MROH2A: variants seen among roughly 807,000 people sequenced by gnomAD.
The protein encoded by MROH2A is maestro heat-like repeat-containing protein family member 2A.
In MROH2A, 174 loss-of-function variants were observed where a neutral mutation model predicts 200.4. The ratio of observed to expected loss-of-function variants is 0.87; its 90% confidence interval spans 0.77 to 0.98. MROH2A has a LOEUF of 0.98. MROH2A is among the 50% of genes least tolerant of loss of function. The pLI is 0.00. For synonymous variants in MROH2A, 829 were observed against 840.4 expected (o/e 0.99, Z 0.23); for missense variants, 2,045 against 2,139.6 (o/e 0.96, Z 0.87).
intron 25 of MROH2A, 113 bp downstream of exon 25, chr2:233,813,891 C>T (rs138208097): frequency 3.5e-4 from 200 of 568,826 alleles, no homozygotes; most frequent in African/African-American, 2.5e-3. Context: ...TTAGAGGCAG[C>T]GGAGTGTAGC....
At chr2:233,831,074 A>G (rs987358167) in intron 38 of MROH2A, among the ~76,000 whole-genome samples, 2 of 152,092 alleles carry the variant, frequency 1.3e-5, no homozygotes, top group African/African-American at 4.8e-5. Context: ...AGGTGAGGAC[A>G]CGTGCCCAGT....
intron 27 of MROH2A, among the ~76,000 whole-genome samples, chr2:233,817,226 G>C (rs547520498): frequency 6.6e-6 from 1 of 152,312 alleles, no homozygotes; most frequent in Admixed American, 6.5e-5. Context: ...ATTTTGCAAA[G>C]CTTGACAAGT....
intron 26 of MROH2A, among the ~76,000 whole-genome samples, chr2:233,815,705 G>A (rs562767031): frequency 2.0e-5 from 3 of 152,246 alleles, no homozygotes; most frequent in East Asian, 3.8e-4. Flanking sequence ...GGCTATGTAC[G>A]TGTGGGTGTA....
Position 233,820,006 on chromosome 2 carries a change from CCAG to C in MROH2A, c.3463_3465del (p.Gln1155del). On this transcript the variant is annotated inframe_deletion, in exon 31 of 42. Transcript: ENST00000389758. This position sits in a 1 kb window ranked among gnomAD's most constrained non-coding sequence, Gnocchi z 4.1. ...GCATCCTGCTGCTGGCGCACCACCACCAGGAGACCATCCTCACATCGCTCCTGA... is the reference window on the plus strand; with the variant it reads ...GCATCCTGCTGCTGGCGCACCACCACGAGACCATCCTCACATCGCTCCTGA... The C allele has an allele frequency of 6.5e-7, 1 of 1,545,806 alleles. No individual in the cohort carries two copies. The highest frequency in any genetic ancestry group is 1.2e-5 in the South Asian group (1 of 83,752).
intron 28 of MROH2A, 26 bp downstream of exon 28, chr2:233,818,151 C>T (rs1224854697): frequency 6.5e-7 from 1 of 1,548,684 alleles, no homozygotes; most frequent in Non-Finnish European, 8.7e-7. Context: ...ACATGAGGAC[C>T]AGCTCCTCTG....
In MROH2A at chr2:233,817,999, C is replaced by A. The variant is rs1344309410; in HGVS notation, c.2962-3C>A. 6.4e-7 allele frequency: 1 copy of A among 1,550,892 alleles called. No homozygotes were observed. ...GTGAGCCCCACGGTCTCCTGTCCCT[C>A]AGATCCACCTAAAGCTGGGGCAGTT... On this transcript the variant is annotated splice_region_variant and splice_polypyrimidine_tract_variant and intron_variant, in intron 27 of 41. Coordinates refer to ENST00000389758, the MANE Select transcript of MROH2A (RefSeq NM_001394639.1).
upstream of MROH2A, chr2:233,775,730 G>C (rs1700685822): frequency 6.6e-6 from 1 of 152,250 alleles, no homozygotes; most frequent in African/African-American, 2.4e-5. Context: ...GAGCCGGGCA[G>C]AATCCACCCT....
rs1703842110 is a variant in MROH2A, at chr2:233,820,174, G to A, written c.3512+118G>A. 2.2e-6 allele frequency: 2 copies of A among 892,298 alleles called. No homozygotes were observed. Among genetic ancestry groups the A allele is most frequent in the African/African-American group, 3.4e-5 (2 of 58,056 alleles). The allele number at this position is 892,298 out of a possible 1,614,324, so 55.3% of individuals were successfully genotyped here. On this transcript the variant is annotated intron_variant, in intron 31 of 41. Coordinates refer to ENST00000389758, the MANE Select transcript of MROH2A (RefSeq NM_001394639.1). This position sits in a 1 kb window ranked among gnomAD's most constrained non-coding sequence, Gnocchi z 4.1. ...GGGCAGTACCCTGCCCCACCCTGAA[G>A]GAGGTCGAAGCCCTCTTCCTGTACC...
intron 39 of MROH2A, 50 bp from the exon 40 acceptor site, chr2:233,832,127 T>C (rs1416650142): frequency 7.0e-7 from 1 of 1,435,400 alleles, no homozygotes; most frequent in East Asian, 2.5e-5. Flanking sequence ...TGACAGCCCA[T>C]TGTCAGGGTC....
intron 31 of MROH2A, among the ~76,000 whole-genome samples, chr2:233,821,603 C>G (rs1310229514): frequency 6.6e-6 from 1 of 152,234 alleles, no homozygotes; most frequent in African/African-American, 2.4e-5. Context: ...CCCTTCTCAG[C>G]AGGGCCATGG....
At chr2:233,776,275 A>ACAG (rs1490384228), upstream of MROH2A, among the ~76,000 whole-genome samples, 3 of 151,992 alleles carry the variant, frequency 2.0e-5, no homozygotes, top group Admixed American at 6.5e-5. Flanking sequence ...CCATAGAGTG[A>ACAG]CAGCACCTAA....
intron 19 of MROH2A, among the ~76,000 whole-genome samples, chr2:233,805,991 A>T (rs1423847952): frequency 6.6e-6 from 1 of 152,226 alleles, no homozygotes; most frequent in Non-Finnish European, 1.5e-5. Flanking sequence ...AAATCTTGTG[A>T]CCTTGGGTTA....
chr2:233,788,938 CAAAAAAAAAAAAA>C (rs56084976), intron 3 of MROH2A, among the ~76,000 whole-genome samples: 200 of 47,496 alleles, frequency 4.2e-3, no homozygotes, highest in Non-Finnish European at 4.6e-3. Context: ...GACTCCGTCT[CAAAAAAAAAAAAA>C]AAAAAAAAAA....
At chr2:233,803,368 A>G in intron 15 of MROH2A, 80 bp from the exon 16 acceptor site, 1 of 1,465,834 alleles carries the variant, frequency 6.8e-7, no homozygotes, top group Non-Finnish European at 9.3e-7. Context: ...TTCTAGGGTA[A>G]AGTTCCTAGA....
chr2:233,809,274 GCCAGGTA>G lies in MROH2A; in HGVS notation c.2445_2448+3del. 6.5e-7 allele frequency: 1 copy of G among 1,549,258 alleles called. No individual in the cohort carries two copies. The highest frequency in any genetic ancestry group is 2.0e-5 in the Admixed American group (1 of 50,970). On this transcript the variant is annotated splice_donor_variant and splice_donor_region_variant and coding_sequence_variant and intron_variant, in exon 22 of 42. Transcript: ENST00000389758. LOFTEE classifies it high-confidence loss of function. Reference sequence around the variant, plus strand: ...ATCATTCACCATTATGTCAGCAGCTGCCAGGTAGCCCCATCTGCTGCCTGGGGGGATG... The same window carrying G: ...ATCATTCACCATTATGTCAGCAGCTGGCCCCATCTGCTGCCTGGGGGGATG...
chr2:233,783,410 A>G (rs1415226221), intron 3 of MROH2A, among the ~76,000 whole-genome samples: 1 of 152,146 alleles, frequency 6.6e-6, no homozygotes, highest in African/African-American at 2.4e-5. Context: ...ATACTGGTTC[A>G]TCGGAGTTTT....
In MROH2A at chr2:233,828,891, T is replaced by A. The variant is rs991909370; in HGVS notation, c.4265T>A (p.Val1422Glu). ...TGAGGGCTGCCCATGCCCCTCCAGG[T>A]GAAGCAGTACCGGAAGGTCTTGCTG... ...GNMALGAPKK[V>E]KQYRKVLLEK... Residue 1422 changes from valine (V) to glutamate (E), a missense_variant and splice_region_variant, in exon 37 of 42, where the codon GTG (valine) becomes GAG (glutamate). Physicochemically the swap from Val to Glu is moderately radical, Grantham distance 121. Around this residue, in one of 3 missense-constraint regions of MROH2A, gnomAD observed 1,201 missense variants for 1,311.3 expected, o/e 0.92. Coordinates refer to ENST00000389758, the MANE Select transcript of MROH2A (RefSeq NM_001394639.1). The surrounding 1 kb of genome is among the most constrained non-coding windows in gnomAD (Gnocchi z 4.6). The A allele has an allele frequency of 3.2e-6, 5 of 1,550,106 alleles. No individual in the cohort carries two copies. In the African/African-American group the frequency reaches 5.5e-5, roughly 17 times the overall value.
rs1470422062 is a variant in MROH2A at position 233,822,038 on chromosome 2, G to T, written c.3513-86G>T. ...TCCCCAGAGTCCAACCCCTACTTAG[G>T]GGGCTGCCAAGGGTTTGAAAGGGAT... On this transcript the variant is annotated intron_variant, in intron 31 of 41. Coordinates refer to ENST00000389758, the MANE Select transcript of MROH2A (RefSeq NM_001394639.1). 3.5e-6 allele frequency: 5 copies of T among 1,441,930 alleles called. No individual in the cohort carries two copies. In the African/African-American group the frequency reaches 4.3e-5, roughly 12 times the overall value. 89.3% of individuals were successfully genotyped at this position (1,441,930 alleles called of 1,614,324 possible).
At position 233,794,404 on chromosome 2, in the gene MROH2A, C is replaced by T; in HGVS notation, c.864C>T (p.Gly288=). 1.3e-6 allele frequency: 2 copies of T among 1,550,544 alleles called. No individual in the cohort carries two copies. The highest frequency in any genetic ancestry group is 1.7e-6 in the Non-Finnish European group (2 of 1,146,980). ...GVIKSLKPML[G]LLLPNDDLRE... is the part of the protein sequence containing the mutation. Reference sequence around the variant, plus strand: ...TCAAGTCCCTGAAGCCCATGCTCGGCCTCCTTCTGCCCAACGATGACCTGC... The same window carrying T: ...TCAAGTCCCTGAAGCCCATGCTCGGTCTCCTTCTGCCCAACGATGACCTGC... The change falls in exon 8 of 42, where the codon GGC becomes GGT. Residue 288 remains glycine (G), a synonymous_variant. Transcript: ENST00000389758.
Sources: gnomAD v4.1 joint callset for allele counts (sites outside exome capture counted in the v4.1 genomes callset) on GRCh38, gnomAD v4.1.1 for gene constraint, gnomAD v4.1.1 regional missense constraint, Gnocchi (gnomAD v3.1) non-coding constraint, MANE v1.5 for transcripts, NCBI Gene and HGNC (gene_info 2026-07-23, HGNC 2026-07-21) for gene names.